The following LRRC28 variants were observed in gnomAD, a reference collection of about 807,000 sequenced individuals.
The protein encoded by LRRC28 is leucine-rich repeat-containing protein 28.
LRRC28 carries 39 observed loss-of-function variants against 45.7 expected under a neutral mutation model. The observed-to-expected ratio is 0.85, with a 90% CI of 0.66 to 1.12. LRRC28 has a LOEUF of 1.12. Among genes scored for constraint, LRRC28 ranks in the 50% most tolerant of loss-of-function variants. The pLI, the probability that LRRC28 is intolerant of heterozygous loss-of-function variation, is 0.00. For synonymous variants in LRRC28, 206 were observed against 178.8 expected (o/e 1.15, Z -1.22); for missense variants, 435 against 438.5 (o/e 0.99, Z 0.07).
chr15:99,266,243 T>G (rs2081329522), intron 2 of LRRC28, among the ~76,000 whole-genome samples: 1 of 152,240 alleles, frequency 6.6e-6, no homozygotes, highest in African/African-American at 2.4e-5. Flanking sequence ...CCTGACTTTC[T>G]GCTTCAAATA....
At chr15:99,334,208 T>G in intron 6 of LRRC28, 79 bp downstream of exon 6, 1 of 1,495,202 alleles carries the variant, frequency 6.7e-7, no homozygotes. Flanking sequence ...ACCAATTAGT[T>G]AGTTTCCTTC....
intron 2 of LRRC28, chr15:99,260,044 C>A: frequency 1.8e-6 from 1 of 560,676 alleles, no homozygotes; most frequent in South Asian, 1.8e-5. Flanking sequence ...CGTTTGGATC[C>A]TGTGTGGAGA....
Position 99,363,272 on chromosome 15 carries a change from A to G in LRRC28, c.1031+7A>G. 1.2e-6 allele frequency: 2 copies of G among 1,613,682 alleles called. No individual in the cohort carries two copies. The highest frequency in any genetic ancestry group is 1.7e-6 in the Non-Finnish European group (2 of 1,179,794). ...TGGCAGGGCTGCACCAGTGGTAATC[A>G]TGCCTAAGTGGGCACCAGGGTTTAC... is the stretch of plus-strand genomic sequence containing the variant. On this transcript the variant is annotated splice_region_variant and intron_variant, in intron 9 of 9. Transcript: ENST00000301981.
chr15:99,290,133 C>T (rs2082080102), intron 5 of LRRC28, among the ~76,000 whole-genome samples: 3 of 151,568 alleles, frequency 2.0e-5, no homozygotes, highest in Admixed American at 2.0e-4. Context: ...TGGCATTGTG[C>T]CTATAGTTTC....
chr15:99,256,895 G>C (rs1371792260), intron 2 of LRRC28, among the ~76,000 whole-genome samples: 4 of 152,154 alleles, frequency 2.6e-5, no homozygotes, highest in Non-Finnish European at 4.4e-5. Flanking sequence ...GGCCTTTTCT[G>C]GTTATCACTT....
At chr15:99,281,782 A>G (rs1482070525) in intron 3 of LRRC28, among the ~76,000 whole-genome samples, 1 of 152,168 alleles carries the variant, frequency 6.6e-6, no homozygotes, top group Non-Finnish European at 1.5e-5. Flanking sequence ...ATAGGTGGTT[A>G]GGTTAGCCCT....
Position 99,255,398 on chromosome 15 carries a change from A to G in LRRC28, c.-60-500A>G, listed in dbSNP as rs886489404. Among the ~76,000 whole-genome samples, 23 of 152,030 alleles carry G rather than the reference A, an allele frequency of 1.5e-4. 1 individual carries two copies. The highest frequency in any genetic ancestry group is 6.6e-4 in the Admixed American group (10 of 15,248). Reference sequence around the variant, plus strand: ...GAAAGAAAAGAATAAAGAGATAAAGAAAAAAATCAGAATATAGGACAATAT... The same window carrying G: ...GAAAGAAAAGAATAAAGAGATAAAGGAAAAAATCAGAATATAGGACAATAT... On this transcript the variant is annotated intron_variant, in intron 1 of 9. Coordinates refer to ENST00000301981, the MANE Select transcript of LRRC28 (RefSeq NM_144598.5).
At chr15:99,346,863 A>G (rs1277273287) in intron 6 of LRRC28, among the ~76,000 whole-genome samples, 1 of 152,072 alleles carries the variant, frequency 6.6e-6, no homozygotes, top group African/African-American at 2.4e-5. Flanking sequence ...GTTCAGTGTT[A>G]TTTTCCATTG....
intron 9 of LRRC28, among the ~76,000 whole-genome samples, chr15:99,383,718 A>G (rs28572685): frequency 9.2e-5 from 14 of 152,126 alleles, no homozygotes; most frequent in Non-Finnish European, 2.1e-4. Flanking sequence ...TTGCAAATAC[A>G]TTTAGGCTTA....
chr15:99,258,269 A>T (rs988242003), intron 2 of LRRC28: 25 of 1,565,356 alleles, frequency 1.6e-5, no homozygotes, highest in Non-Finnish European at 2.0e-5. Flanking sequence ...AAAACACAAC[A>T]ACGATACCCA....
chr15:99,280,684 G>A (rs560193947), intron 3 of LRRC28, among the ~76,000 whole-genome samples: 14 of 152,124 alleles, frequency 9.2e-5, no homozygotes, highest in Non-Finnish European at 1.6e-4. Flanking sequence ...GGTGTATCTT[G>A]TTGTAGTTTT....
chr15:99,290,923 G>A (rs2082105732), intron 5 of LRRC28, among the ~76,000 whole-genome samples: 1 of 152,126 alleles, frequency 6.6e-6, no homozygotes, highest in African/African-American at 2.4e-5. Flanking sequence ...AACTCTGATT[G>A]CAGTATTGCA....
At chr15:99,266,378 G>A (rs1251029885) in intron 2 of LRRC28, among the ~76,000 whole-genome samples, 1 of 152,010 alleles carries the variant, frequency 6.6e-6, no homozygotes, top group Non-Finnish European at 1.5e-5. Flanking sequence ...ACCTAGCCAG[G>A]CATCGAGGCA....
chr15:99,332,323 C>T (rs953674922), intron 5 of LRRC28, among the ~76,000 whole-genome samples: 1 of 152,136 alleles, frequency 6.6e-6, no homozygotes, highest in Non-Finnish European at 1.5e-5. Context: ...TATACTGAAT[C>T]CTACCTGCCC....
intron 5 of LRRC28, among the ~76,000 whole-genome samples, chr15:99,288,529 G>C (rs1217522418): frequency 6.6e-6 from 1 of 151,800 alleles, no homozygotes; most frequent in African/African-American, 2.4e-5. Context: ...TTACAGGCGC[G>C]TGCCACCACA....
At chr15:99,289,011 A>G (rs1177335723) in intron 5 of LRRC28, among the ~76,000 whole-genome samples, 1 of 152,212 alleles carries the variant, frequency 6.6e-6, no homozygotes, top group Non-Finnish European at 1.5e-5. Context: ...AAAAGGAATC[A>G]TACTAAAATT....
At chr15:99,277,125 C>T (rs2081638761) in intron 3 of LRRC28, among the ~76,000 whole-genome samples, 1 of 151,964 alleles carries the variant, frequency 6.6e-6, no homozygotes, top group South Asian at 2.1e-4. Flanking sequence ...TGTTAACTTA[C>T]CACTAAGGAA....
chr15:99,285,159 G>A (rs2081924499), intron 3 of LRRC28: 1 of 723,212 alleles, frequency 1.4e-6, no homozygotes, highest in East Asian at 2.5e-5. Flanking sequence ...TCTTGTCACT[G>A]CCTCAGTCAG....
intron 6 of LRRC28, chr15:99,337,738 G>A (rs1463150227): frequency 6.6e-6 from 1 of 152,252 alleles, no homozygotes; most frequent in East Asian, 1.9e-4. Flanking sequence ...CTCCCAAGTC[G>A]GGCTGCAGAT....
Sources: allele counts gnomAD v4.1 joint callset (sites outside exome capture counted in the v4.1 genomes callset), GRCh38; gene constraint gnomAD v4.1.1; transcripts MANE v1.5; gene names NCBI Gene and HGNC (gene_info 2026-07-23, HGNC 2026-07-21).